The following HTR1E variants were observed in gnomAD, a reference collection of about 807,000 sequenced individuals.
The protein encoded by HTR1E is 5-HT-1E.
A neutral mutation model predicts 3.4 loss-of-function variants in HTR1E; 3 were observed. That is an observed-to-expected ratio of 0.89 (90% CI 0.41 to 2.31). The LOEUF is 2.31. Among genes scored for constraint, HTR1E ranks in the 30% most tolerant of loss-of-function variants. The pLI, the probability that HTR1E is intolerant of heterozygous loss-of-function variation, is 0.05. For missense variants in HTR1E, 392 were observed against 467.0 expected (o/e 0.84, Z 1.48); for synonymous variants, 170 against 182.8 (o/e 0.93, Z 0.56).
chr6:86,993,147 A>G (rs1436640732), intron 1 of HTR1E, among the ~76,000 whole-genome samples: 1 of 152,220 alleles, frequency 6.6e-6, no homozygotes, highest in Non-Finnish European at 1.5e-5. Context: ...CCAGAAAAGG[A>G]ACAGCCAAGC....
chr6:86,950,754 G>T (rs1562059310), intron 1 of HTR1E, among the ~76,000 whole-genome samples: 1 of 152,112 alleles, frequency 6.6e-6, no homozygotes, highest in Non-Finnish European at 1.5e-5. Context: ...CTGGGCCTCA[G>T]TTTTGTCATT....
chr6:86,946,103 G>T (rs1326449464), intron 1 of HTR1E, among the ~76,000 whole-genome samples: 1 of 152,138 alleles, frequency 6.6e-6, no homozygotes, highest in Non-Finnish European at 1.5e-5. Context: ...ATTGGAGAGA[G>T]AAAAAATGGT....
chr6:87,011,069 T>C (rs1258851547), intron 1 of HTR1E, among the ~76,000 whole-genome samples: 2 of 152,244 alleles, frequency 1.3e-5, no homozygotes, highest in Non-Finnish European at 2.9e-5. Flanking sequence ...ATACATTGAC[T>C]TTAGACAGCT....
chr6:86,972,844 C>T (rs973674781), intron 1 of HTR1E, among the ~76,000 whole-genome samples: 1 of 152,100 alleles, frequency 6.6e-6, no homozygotes, highest in Admixed American at 6.6e-5. Context: ...TTTCAACCTG[C>T]CAAATCATAA....
At chr6:86,992,832 GTTAC>G (rs1767890050) in intron 1 of HTR1E, among the ~76,000 whole-genome samples, 1 of 152,132 alleles carries the variant, frequency 6.6e-6, no homozygotes, top group Non-Finnish European at 1.5e-5. Flanking sequence ...GAATTGATGT[GTTAC>G]TTAAGTAATA....
chr6:87,012,535 CT>C (rs1299438679), intron 1 of HTR1E, among the ~76,000 whole-genome samples: 2 of 151,986 alleles, frequency 1.3e-5, no homozygotes, highest in Non-Finnish European at 2.9e-5. Context: ...CACTTGTACC[CT>C]CAAAACCTAA....
chr6:86,962,427 A>G (rs960571191), intron 1 of HTR1E, among the ~76,000 whole-genome samples: 6 of 152,236 alleles, frequency 3.9e-5, no homozygotes, highest in Admixed American at 1.3e-4. Context: ...TGGTGGTCCC[A>G]TAAGATGGAG....
chr6:86,999,117 G>A (rs975074370), intron 1 of HTR1E, among the ~76,000 whole-genome samples: 3 of 151,936 alleles, frequency 2.0e-5, no homozygotes, highest in Admixed American at 1.3e-4. Context: ...AGGCAACAAC[G>A]CCAGGCTAAT....
intron 1 of HTR1E, among the ~76,000 whole-genome samples, chr6:86,978,291 C>T (rs1291553717): frequency 6.6e-6 from 1 of 152,138 alleles, no homozygotes; most frequent in African/African-American, 2.4e-5. Flanking sequence ...TTAGTTGAAA[C>T]CAGTCAGCAC....
At chr6:86,949,377 G>C (rs530913379) in intron 1 of HTR1E, among the ~76,000 whole-genome samples, 15 of 152,308 alleles carry the variant, frequency 9.8e-5, no homozygotes, top group African/African-American at 3.6e-4. Flanking sequence ...TGCTGCTGTT[G>C]TTATTTTGAA....
rs1294581649 is a variant in HTR1E, at chr6:87,001,062, A to G, written c.-185-14088A>G. ...TGCTTATTAGTTTATTATTTATGAA[A>G]TTAGTCTGTTTTAAGTTATCATCAG... On this transcript the variant is annotated intron_variant, in intron 1 of 1. Coordinates refer to ENST00000305344, the MANE Select transcript of HTR1E (RefSeq NM_000865.3). 3.9e-5 allele frequency among the ~76,000 whole-genome samples: 6 copies of G among 152,204 alleles called. No homozygotes were observed. The East Asian group carries it at 1.2e-3, about 29-fold the overall frequency.
chr6:86,945,456 T>C (rs904790306), intron 1 of HTR1E, among the ~76,000 whole-genome samples: 2 of 152,108 alleles, frequency 1.3e-5, no homozygotes, highest in African/African-American at 4.8e-5. Context: ...TTGGCCATGC[T>C]GGTCTTGAAC....
intron 1 of HTR1E, among the ~76,000 whole-genome samples, chr6:86,947,855 A>G (rs1028379983): frequency 2.0e-5 from 3 of 152,172 alleles, no homozygotes; most frequent in African/African-American, 7.2e-5. Context: ...ATTGTGAAGT[A>G]GTTTCTTTTC....
intron 1 of HTR1E, among the ~76,000 whole-genome samples, chr6:86,966,341 A>G (rs564766909): frequency 6.6e-6 from 1 of 152,344 alleles, no homozygotes; most frequent in African/African-American, 2.4e-5. Flanking sequence ...AAATGAACAG[A>G]CTTACAAATA....
At chr6:87,005,486 G>C (rs1292138595) in intron 1 of HTR1E, among the ~76,000 whole-genome samples, 1 of 152,108 alleles carries the variant, frequency 6.6e-6, no homozygotes, top group Non-Finnish European at 1.5e-5. Flanking sequence ...CATACATGAG[G>C]AAAGAACAAT....
intron 1 of HTR1E, among the ~76,000 whole-genome samples, chr6:86,957,282 CTGAGG>C (rs1767339880): frequency 6.6e-6 from 1 of 152,188 alleles, no homozygotes; most frequent in Non-Finnish European, 1.5e-5. Flanking sequence ...TCCCTGCCTT[CTGAGG>C]TGACTACTTG....
intron 1 of HTR1E, among the ~76,000 whole-genome samples, chr6:86,988,318 G>A (rs73753636): frequency 0.11 from 17,167 of 152,094 alleles, 1,470 homozygotes; most frequent in East Asian, 0.28. Context: ...CTGAAAATCT[G>A]AGATTTTACC....
chr6:86,963,975 A>G (rs1324082818), intron 1 of HTR1E, among the ~76,000 whole-genome samples: 2 of 152,180 alleles, frequency 1.3e-5, no homozygotes, highest in East Asian at 1.9e-4. Flanking sequence ...CAAAGCCCCC[A>G]TGGTCTTAGG....
rs138364737 is a variant in HTR1E at position 86,993,613 on chromosome 6, G to A, written c.-185-21537G>A. On this transcript the variant is annotated intron_variant, in intron 1 of 1. Coordinates refer to ENST00000305344, the MANE Select transcript of HTR1E (RefSeq NM_000865.3). ...TCTATCTCCTCCCCTGCCAGAAAAG[G>A]CCAAATTTGCTTTCCTTCTACCACT... 2.2e-3 allele frequency among the ~76,000 whole-genome samples: 339 copies of A among 151,134 alleles called. 5 individuals are homozygous for A. The highest frequency in any genetic ancestry group is 8.0e-3 in the African/African-American group (328 of 41,246).
Sources: allele counts gnomAD v4.1 joint callset (sites outside exome capture counted in the v4.1 genomes callset), GRCh38; gene constraint gnomAD v4.1.1; transcripts MANE v1.5; gene names NCBI Gene and HGNC (gene_info 2026-07-23, HGNC 2026-07-21).